The following RGS20 variants were observed in gnomAD, a reference collection of about 807,000 sequenced individuals.
The protein encoded by RGS20 is regulator of G protein signaling 20, also known as gz-selective GTPase-activating protein.
Under a neutral mutation model 33.6 loss-of-function variants are expected in RGS20, and 30 were observed. That is an observed-to-expected ratio of 0.89 (90% CI 0.67 to 1.21). The LOEUF (loss-of-function observed/expected upper bound fraction) is 1.21, where lower values mean the gene tolerates loss of function less well. Among genes scored for constraint, RGS20 ranks in the 50% most tolerant of loss-of-function variants. RGS20 has a pLI of 0.00. For missense variants in RGS20, 472 were observed against 502.4 expected (o/e 0.94, Z 0.58); for synonymous variants, 208 against 197.9 (o/e 1.05, Z -0.43).
intron 2 of RGS20, among the ~76,000 whole-genome samples, chr8:53,885,790 C>CTTT (rs1172257852): frequency 7.8e-4 from 88 of 112,694 alleles, no homozygotes; most frequent in African/African-American, 1.5e-3. Flanking sequence ...GTATCTTACT[C>CTTT]TTTTTTTTTT....
intron 5 of RGS20, among the ~76,000 whole-genome samples, 178 bp from the exon 5 acceptor site, chr8:53,958,092 C>T (rs988516851): frequency 7.2e-5 from 11 of 151,932 alleles, no homozygotes; most frequent in African/African-American, 1.5e-4. Context: ...GCTGAGATCG[C>T]GCCACTGCAC....
chr8:53,935,850 T>C (rs1471871997), intron 2 of RGS20, among the ~76,000 whole-genome samples: 2 of 152,274 alleles, frequency 1.3e-5, no homozygotes, highest in East Asian at 3.9e-4. Context: ...ACATCCTCAA[T>C]AAAATACTGG....
At chr8:53,885,486 C>A (rs150992611) in intron 2 of RGS20, among the ~76,000 whole-genome samples, 135 of 152,094 alleles carry the variant, frequency 8.9e-4, no homozygotes, top group African/African-American at 3.1e-3. Flanking sequence ...TATTAGCGGG[C>A]GTCTGTAGTA....
At chr8:53,897,856 G>A (rs1020912668) in intron 2 of RGS20, among the ~76,000 whole-genome samples, 2 of 152,184 alleles carry the variant, frequency 1.3e-5, no homozygotes, top group Non-Finnish European at 2.9e-5. Flanking sequence ...AAATTGGCTC[G>A]CTTTTAGTTA....
At chr8:53,910,978 T>A (rs1389675432) in intron 2 of RGS20, among the ~76,000 whole-genome samples, 5 of 152,168 alleles carry the variant, frequency 3.3e-5, no homozygotes. Flanking sequence ...TACAAACTAG[T>A]CAGGCTAGTC....
chr8:53,932,288 A>G (rs548217217), intron 2 of RGS20, among the ~76,000 whole-genome samples: 25 of 152,088 alleles, frequency 1.6e-4, no homozygotes, highest in African/African-American at 5.8e-4. Context: ...AACCGTTCAC[A>G]CCCCTGAAAA....
At chr8:53,902,503 C>T (rs969447484) in intron 2 of RGS20, among the ~76,000 whole-genome samples, 13 of 152,164 alleles carry the variant, frequency 8.5e-5, no homozygotes, top group African/African-American at 2.4e-4. Flanking sequence ...ATCAGCGGTG[C>T]GGGAGAGTTC....
chr8:53,854,763 A>G (rs1585855254), intron 1 of RGS20, among the ~76,000 whole-genome samples: 1 of 152,342 alleles, frequency 6.6e-6, no homozygotes, highest in East Asian at 1.9e-4. Flanking sequence ...CAATTTCACC[A>G]TTAGGCATTT....
intron 2 of RGS20, among the ~76,000 whole-genome samples, chr8:53,920,483 T>C (rs1225543572): frequency 2.6e-5 from 4 of 152,180 alleles, no homozygotes; most frequent in Non-Finnish European, 4.4e-5. Context: ...AATAGAGATA[T>C]AGAGATAGTT....
chr8:53,889,275 A>G (rs1291924399), intron 2 of RGS20, among the ~76,000 whole-genome samples: 4 of 151,536 alleles, frequency 2.6e-5, no homozygotes, highest in Non-Finnish European at 5.9e-5. Context: ...TTTAATTTGT[A>G]TTTCCCTGGC....
At chr8:53,886,662 G>A (rs10090224) in intron 2 of RGS20, among the ~76,000 whole-genome samples, 4,303 of 152,220 alleles carry the variant, frequency 0.028, 191 homozygotes, top group African/African-American at 0.096. Flanking sequence ...GTGCACCTCC[G>A]TCCAACAGTG....
At chr8:53,869,368 A>C (rs1484821989) in intron 1 of RGS20, among the ~76,000 whole-genome samples, 1 of 152,164 alleles carries the variant, frequency 6.6e-6, no homozygotes, top group African/African-American at 2.4e-5. Flanking sequence ...ACATTTATTT[A>C]TTAGAACATT....
intron 5 of RGS20, among the ~76,000 whole-genome samples, chr8:53,956,824 G>A (rs1004844749): frequency 6.6e-6 from 1 of 151,936 alleles, no homozygotes; most frequent in African/African-American, 2.4e-5. Context: ...TTTAAGGCAA[G>A]GTTTTTCATC....
intron 2 of RGS20, chr8:53,886,971 T>G (rs1812564705): frequency 6.5e-6 from 1 of 152,882 alleles, no homozygotes; most frequent in East Asian, 1.9e-4. Context: ...ATTTCTTTCT[T>G]TCTTTCTTTT....
chr8:53,883,235 C>CA (rs1203571377), intron 2 of RGS20, among the ~76,000 whole-genome samples: 1 of 151,858 alleles, frequency 6.6e-6, no homozygotes, highest in East Asian at 1.9e-4. Flanking sequence ...CGGCTCACTG[C>CA]AACCTCCGCC....
In RGS20 at chr8:53,879,517, C is replaced by T. The variant is rs953528527; in HGVS notation, c.425C>T (p.Ser142Leu). 2.6e-6 allele frequency: 4 copies of T among 1,544,460 alleles called. No homozygotes were observed. Among genetic ancestry groups the T allele is most frequent in the Middle Eastern group, 1.8e-4 (1 of 5,486 alleles). Residue 142 changes from serine to leucine, a missense_variant, in exon 2 of 6, where the codon TCG becomes TTG. Physicochemically the swap from Ser to Leu is moderately radical, Grantham distance 145. Coordinates refer to ENST00000297313, the MANE Select transcript of RGS20 (RefSeq NM_170587.4). ...GCGCTGGCACTGCCCGGCCGACCCT[C>T]GGGGGGTCGTCCGCTGAGGCCCCCC...
At chr8:53,906,246 C>A (rs757575086) in intron 2 of RGS20, among the ~76,000 whole-genome samples, 27 of 152,030 alleles carry the variant, frequency 1.8e-4, no homozygotes, top group Non-Finnish European at 3.7e-4. Flanking sequence ...CATGGTGGCA[C>A]GTGCCTACAG....
intron 2 of RGS20, among the ~76,000 whole-genome samples, chr8:53,888,655 C>G (rs1217828468): frequency 6.6e-6 from 1 of 152,158 alleles, no homozygotes; most frequent in Non-Finnish European, 1.5e-5. Flanking sequence ...TCACTCACCA[C>G]GGCTCTAGAT....
At chr8:53,909,161 C>CTGGGTCCA (rs1420556364) in intron 2 of RGS20, among the ~76,000 whole-genome samples, 1 of 130,096 alleles carries the variant, frequency 7.7e-6, no homozygotes, top group African/African-American at 2.9e-5. Context: ...AGTGGTGGTA[C>CTGGGTCCA]TGGGTCCATT....
Sources: gnomAD v4.1 joint callset for allele counts (sites outside exome capture counted in the v4.1 genomes callset) on GRCh38, gnomAD v4.1.1 for gene constraint, MANE v1.5 for transcripts, NCBI Gene and HGNC (gene_info 2026-07-23, HGNC 2026-07-21) for gene names.